Variants in RBM43 observed in about 807,000 individuals in gnomAD.
The protein encoded by RBM43 is RNA-binding protein 43.
In RBM43, 12 loss-of-function variants were observed where a neutral mutation model predicts 12.4. The observed-to-expected ratio is 0.97, with a 90% CI of 0.62 to 1.57. The LOEUF is 1.57. Among genes scored for constraint, RBM43 ranks in the 40% most tolerant of loss-of-function variants. The pLI, the probability that RBM43 is intolerant of heterozygous loss-of-function variation, is 0.00. For missense variants in RBM43, 348 were observed against 400.1 expected (o/e 0.87, Z 1.11); for synonymous variants, 138 against 145.7 (o/e 0.95, Z 0.38).
Position 151,250,892 on chromosome 2 carries a change from T to A in RBM43, c.*14A>T. ...AGAGAAAGCAGCCCTTATGACTATA[T>A]TGCTGAGATTTTATTAACTAACCTT... On this transcript the variant is annotated 3_prime_UTR_variant, in exon 4 of 4. Coordinates refer to ENST00000331426, the MANE Select transcript of RBM43 (RefSeq NM_198557.3). The A allele has an allele frequency of 6.4e-7, 1 of 1,565,982 alleles. No homozygotes were observed. Among genetic ancestry groups the A allele is most frequent in the South Asian group, 1.2e-5 (1 of 83,270 alleles).
rs1024309247 is a variant in RBM43 at position 151,252,651 on chromosome 2, A to G, written c.315+104T>C. 1.3e-5 allele frequency: 8 copies of G among 629,638 alleles called. No homozygotes were observed. In the African/African-American group the frequency reaches 1.4e-4, roughly 11 times the overall value. 39.0% of individuals were successfully genotyped at this position (629,638 alleles called of 1,614,324 possible). ...TCAGGGAGTTTGCATTTTCCTTCCT[A>G]GAAGTCATGGAGTGAGAGCACTTTG... is the stretch of plus-strand genomic sequence containing the variant. On this transcript the variant is annotated intron_variant, in intron 3 of 3. Coordinates refer to ENST00000331426, the MANE Select transcript of RBM43 (RefSeq NM_198557.3).
At chr2:151,251,712 G>C (rs758408974) in intron 3 of RBM43, 48 bp from the exon 4 acceptor site, 1 of 1,523,774 alleles carries the variant, frequency 6.6e-7, no homozygotes, top group Admixed American at 2.0e-5. Flanking sequence ...TAGTGGGAAA[G>C]ACTACATAAA....
intron 1 of RBM43, among the ~76,000 whole-genome samples, chr2:151,260,813 C>CT (rs1353934376): frequency 6.6e-6 from 1 of 152,214 alleles, no homozygotes; most frequent in East Asian, 1.9e-4. Flanking sequence ...CTTTCAAGGA[C>CT]TTTGAAACGA....
rs1682845941 is a variant in RBM43, at chr2:151,248,305, G to A, written c.*2601C>T. 6.6e-6 allele frequency: 1 copy of A among 152,040 alleles called. No individual in the cohort carries two copies. Among genetic ancestry groups the A allele is most frequent in the Non-Finnish European group, 1.5e-5 (1 of 67,988 alleles). The allele number at this position is 152,040 out of a possible 1,614,324, so 9.4% of individuals were successfully genotyped here. A position where few individuals can be genotyped will look rare whatever the true frequency, so the allele number is the denominator to read the frequency against. Reference sequence around the variant, plus strand: ...CTGCTATTCTTTTTTGTATAGGGAGGAAGGTTTTACATGGGAATTTAATCT... The same window carrying A: ...CTGCTATTCTTTTTTGTATAGGGAGAAAGGTTTTACATGGGAATTTAATCT... On this transcript the variant is annotated 3_prime_UTR_variant, in exon 4 of 4. Transcript: ENST00000331426.
chr2:151,251,306 T>A lies in RBM43; in HGVS notation c.674A>T (p.Asp225Val). 6.2e-7 allele frequency: 1 copy of A among 1,614,088 alleles called. No homozygotes were observed. Among genetic ancestry groups the A allele is most frequent in the Non-Finnish European group, 8.5e-7 (1 of 1,180,010 alleles). ...CTTGTGTTTCAGGTAAAGAAAAACA[T>A]CTGTGTCAAGCACAAGCATTTCTCC... Reference protein sequence around the residue: ...RSGEMLVLDTDVFLYLKHKCG... With the variant: ...RSGEMLVLDTVVFLYLKHKCG... The change falls in exon 4 of 4, where the codon GAT becomes GTT. Residue 225 changes from aspartate (D) to valine (V), a missense_variant. Coordinates refer to ENST00000331426, the MANE Select transcript of RBM43 (RefSeq NM_198557.3).
At chr2:151,254,289 C>CTCTCTCTCTCTCTCTCTT (rs1243375729) in intron 2 of RBM43, among the ~76,000 whole-genome samples, 7 of 143,876 alleles carry the variant, frequency 4.9e-5, no homozygotes, top group African/African-American at 2.0e-4. Context: ...CGAGGCCAAT[C>CTCTCTCTCTCTCTCTCTT]TCTCTCTCTC....
chr2:151,253,034 G>A (rs149098906), intron 2 of RBM43, among the ~76,000 whole-genome samples, 179 bp from the exon 3 acceptor site: 5 of 152,106 alleles, frequency 3.3e-5, no homozygotes, highest in African/African-American at 7.2e-5. Context: ...TTCATTTTAT[G>A]TGTAAATATT....
intron 2 of RBM43, among the ~76,000 whole-genome samples, chr2:151,253,123 C>G (rs1331364930): frequency 6.6e-6 from 1 of 152,164 alleles, no homozygotes; most frequent in Non-Finnish European, 1.5e-5. Context: ...ATCCCCATCT[C>G]TGTTAATTCT....
In RBM43 at chr2:151,252,329, C is replaced by T. The variant is rs1682912821; in HGVS notation, c.315+426G>A. On this transcript the variant is annotated intron_variant, in intron 3 of 3. Transcript: ENST00000331426. ...CTTGAGTCCAGGAGTTTGAGACCAG[C>T]TTGGGCAACATAGGGACACCCTGTC... Among the ~76,000 whole-genome samples the T allele has an allele frequency of 1.3e-5, 2 of 152,118 alleles. 1 individual carries two copies. The highest frequency in any genetic ancestry group is 4.2e-4 in the South Asian group (2 of 4,818).
At chr2:151,257,378 AT>A (rs1387637426) in intron 1 of RBM43, among the ~76,000 whole-genome samples, 1 of 152,222 alleles carries the variant, frequency 6.6e-6, no homozygotes, top group African/African-American at 2.4e-5. Flanking sequence ...CAAGAGCCCC[AT>A]AAAATGAAAG....
intron 1 of RBM43, among the ~76,000 whole-genome samples, chr2:151,256,692 G>A (rs372408232): frequency 8.5e-5 from 13 of 152,086 alleles, no homozygotes; most frequent in East Asian, 7.7e-4. Context: ...GATGGCGGGC[G>A]CCTGTAATCC....
At chr2:151,260,738 T>C (rs1440547329) in intron 1 of RBM43, among the ~76,000 whole-genome samples, 1 of 152,198 alleles carries the variant, frequency 6.6e-6, no homozygotes, top group Non-Finnish European at 1.5e-5. Flanking sequence ...CAATTATGAA[T>C]AATGAGGGTT....
intron 1 of RBM43, 106 bp from the exon 2 acceptor site, chr2:151,255,849 T>C: frequency 2.5e-6 from 2 of 810,752 alleles, no homozygotes; most frequent in East Asian, 2.6e-5. Flanking sequence ...AAAGTGCCGG[T>C]GCAGCTGGTT....
rs62167154 is a variant in RBM43, at chr2:151,260,858, G to A, written c.3+867C>T. The A allele has an allele frequency of 7.1e-3, 1,370 of 193,350 alleles. 11 individuals carry two copies. Among genetic ancestry groups the A allele is most frequent in the Non-Finnish European group, 0.012 (1,065 of 90,872 alleles). The allele number at this position is 193,350 out of a possible 1,614,324, so 12.0% of individuals were successfully genotyped here. A position where few individuals can be genotyped will look rare whatever the true frequency, so the allele number is the denominator to read the frequency against. On this transcript the variant is annotated intron_variant, in intron 1 of 3. Transcript: ENST00000331426. ...AGCCAAGACATACTAACGTGATGGC[G>A]CATTTCCTTGCATCAGTATTGTGTT...
rs556419656 is a variant in RBM43 at position 151,258,352 on chromosome 2, A to G, written c.4-2609T>C. 4.0e-5 allele frequency among the ~76,000 whole-genome samples: 6 copies of G among 151,876 alleles called. No homozygotes were observed. The East Asian group carries it at 1.2e-3, about 29-fold the overall frequency. ...GTAATGAAGGCAGCTGGGCCAAACC[A>G]CAAGGAAAAAAACTTGAGGATTATT... is the stretch of plus-strand genomic sequence containing the variant. On this transcript the variant is annotated intron_variant, in intron 1 of 3. Coordinates refer to ENST00000331426, the MANE Select transcript of RBM43 (RefSeq NM_198557.3).
intron 2 of RBM43, among the ~76,000 whole-genome samples, chr2:151,253,786 C>CT (rs1682939053): frequency 6.6e-6 from 1 of 152,092 alleles, no homozygotes; most frequent in Non-Finnish European, 1.5e-5. Context: ...CTAACCACAT[C>CT]TCCTATCACT....
intron 1 of RBM43, chr2:151,261,224 G>A: frequency 2.0e-6 from 3 of 1,530,818 alleles, no homozygotes; most frequent in Non-Finnish European, 2.7e-6. Flanking sequence ...TAAGACATGA[G>A]GATGTCTTCC....
intron 1 of RBM43, among the ~76,000 whole-genome samples, chr2:151,259,050 G>A (rs1243951258): frequency 6.6e-6 from 1 of 151,788 alleles, no homozygotes; most frequent in Non-Finnish European, 1.5e-5. Context: ...GGCTGAGGCA[G>A]GAGAATGGCT....
In RBM43 at chr2:151,251,587, G is replaced by T; in HGVS notation, c.393C>A (p.Asp131Glu). ...TTAAACTCGGGATTTTTTTTTTCAGGTCTTTTACCAGAGTTTCTAGAGTAA... is the reference window on the plus strand; with the variant it reads ...TTAAACTCGGGATTTTTTTTTTCAGTTCTTTTACCAGAGTTTCTAGAGTAA... ...KEVTLETLVK[D>E]LKKKIPSLSF... is the part of the protein sequence containing the mutation. The change falls in exon 4 of 4, where the codon GAC becomes GAA. Residue 131 changes from aspartate to glutamate, a missense_variant. Transcript: ENST00000331426. 6.2e-7 allele frequency: 1 copy of T among 1,613,718 alleles called. No homozygotes were observed.
Sources: allele counts gnomAD v4.1 joint callset (sites outside exome capture counted in the v4.1 genomes callset), GRCh38; gene constraint gnomAD v4.1.1; transcripts MANE v1.5; gene names NCBI Gene and HGNC (gene_info 2026-07-23, HGNC 2026-07-21).